MICAL2: variants seen among roughly 807,000 people sequenced by gnomAD.
MICAL2 encodes the protein [F-actin]-monooxygenase MICAL2.
MICAL2 carries 77 observed loss-of-function variants against 127.3 expected under a neutral mutation model. That is an observed-to-expected ratio of 0.60 (90% CI 0.50 to 0.73). MICAL2 has a LOEUF of 0.73. MICAL2 is among the 30% of genes least tolerant of loss of function. The pLI is 0.00. For synonymous variants in MICAL2, 570 were observed against 551.1 expected (o/e 1.03, Z -0.48); for missense variants, 1,351 against 1,434.4 (o/e 0.94, Z 0.94).
chr11:12,342,138 C>T (rs941813037), intron 32 of MICAL2, among the ~76,000 whole-genome samples: 8 of 152,184 alleles, frequency 5.3e-5, no homozygotes, highest in South Asian at 2.1e-4. Context: ...AGAGGGTGAG[C>T]GGAAGAAAGG....
chr11:12,150,582 T>TA (rs1244951843), intron 2 of MICAL2, among the ~76,000 whole-genome samples: 1 of 152,154 alleles, frequency 6.6e-6, no homozygotes. Context: ...ACACAGTGAA[T>TA]AGGCATAGAG....
At chr11:12,293,959 G>C (rs1479076306), downstream of MICAL2, 1 of 1,613,962 alleles carries the variant, frequency 6.2e-7, no homozygotes, top group Admixed American at 1.7e-5. Flanking sequence ...AGGAGAAGTT[G>C]GGCCTGAAGA....
chr11:12,265,579 T>C (rs199530135), downstream of MICAL2, among the ~76,000 whole-genome samples: 5 of 152,260 alleles, frequency 3.3e-5, no homozygotes, highest in East Asian at 9.6e-4. Context: ...ATGAACTAAA[T>C]GTAATAACAA....
chr11:12,123,637 G>A (rs776194104), intron 1 of MICAL2, among the ~76,000 whole-genome samples: 10 of 152,138 alleles, frequency 6.6e-5, no homozygotes, highest in Non-Finnish European at 1.5e-4. Context: ...GCTGCATCCC[G>A]GGAGAGATCG....
chr11:12,207,584 T>A (rs555364546), intron 4 of MICAL2: 4 of 154,998 alleles, frequency 2.6e-5, no homozygotes, highest in Admixed American at 2.5e-4. Context: ...CCCCATGTAA[T>A]GAGTCACTGA....
At chr11:12,270,421 G>T (rs1863662278) in intron 24 of MICAL2, among the ~76,000 whole-genome samples, 1 of 152,222 alleles carries the variant, frequency 6.6e-6, no homozygotes, top group South Asian at 2.1e-4. Flanking sequence ...GATCCAAGGG[G>T]AAGCCAGGGT....
At chr11:12,319,546 A>G in intron 29 of MICAL2, 1 of 595,766 alleles carries the variant, frequency 1.7e-6, no homozygotes, top group East Asian at 2.9e-5. Flanking sequence ...GCCCTTAGGT[A>G]CTGTTGCCTC....
intron 26 of MICAL2, chr11:12,261,184 C>G (rs1565277407): frequency 1.0e-6 from 1 of 985,472 alleles, no homozygotes; most frequent in East Asian, 1.1e-4. Flanking sequence ...GCGTGGCCTG[C>G]CCAGTGAGCA....
intron 2 of MICAL2, chr11:12,281,234 C>T: frequency 7.6e-6 from 3 of 396,940 alleles, no homozygotes; most frequent in Non-Finnish European, 1.3e-5. Context: ...GGGCTAGGAC[C>T]TTTGGGGAGT....
intron 6 of MICAL2, among the ~76,000 whole-genome samples, chr11:12,210,938 C>T (rs1485633258): frequency 8.5e-5 from 13 of 152,222 alleles, no homozygotes; most frequent in Non-Finnish European, 1.9e-4. Flanking sequence ...GGTGCGACAA[C>T]CAAATATGTC....
upstream of MICAL2, among the ~76,000 whole-genome samples, chr11:12,273,054 G>T (rs1440465536): frequency 6.6e-6 from 1 of 152,182 alleles, no homozygotes; most frequent in African/African-American, 2.4e-5. Flanking sequence ...AGAACTGGGG[G>T]CACTTTCCAG....
In MICAL2 at chr11:12,261,183, G is replaced by C. The variant is rs1262083633; in HGVS notation, c.3334+1286G>C. On this transcript the variant is annotated intron_variant, in intron 26 of 27. Coordinates refer to ENST00000683283, the MANE Select transcript of MICAL2 (RefSeq NM_001282663.2). ...AGGCTATTGCTGGGAAGCGTGGCCT[G>C]CCCAGTGAGCATTGCCTGTGGACAT... 11 of 985,390 alleles carry C rather than the reference G, an allele frequency of 1.1e-5. No individual in the cohort carries two copies. In the South Asian group the frequency reaches 2.8e-4, roughly 25 times the overall value. 61.0% of individuals were successfully genotyped at this position (985,390 alleles called of 1,614,324 possible).
chr11:12,311,196 T>C (rs975618024), intron 29 of MICAL2, among the ~76,000 whole-genome samples: 4 of 152,168 alleles, frequency 2.6e-5, no homozygotes, highest in African/African-American at 7.2e-5. Context: ...GCCTAACTGC[T>C]CTGGCTAGGA....
chr11:12,340,507 G>A (rs937355096), intron 32 of MICAL2, among the ~76,000 whole-genome samples: 7 of 152,160 alleles, frequency 4.6e-5, no homozygotes, highest in South Asian at 4.1e-4. Context: ...ATGTGCATAC[G>A]CTACAATTTA....
chr11:12,226,930 G>T (rs1857553974), intron 14 of MICAL2, 95 bp from the exon 15 acceptor site: 5 of 934,972 alleles, frequency 5.3e-6, no homozygotes, highest in Non-Finnish European at 5.2e-6. Flanking sequence ...TGGGATTACA[G>T]GCGTGAGCCA....
chr11:12,319,833 A>G, intron 30 of MICAL2: 1 of 1,586,356 alleles, frequency 6.3e-7, no homozygotes, highest in Non-Finnish European at 8.7e-7. Flanking sequence ...TGACCAGCCA[A>G]AGAGGGCCTT....
Position 12,241,179 on chromosome 11 carries a change from T to C in MICAL2, c.2337+17T>C. ...AAAAGGCAGGTAGGGCTCCTTCCAG[T>C]GGATGCTGTTTTGGTGAAGCCAGAG... is the stretch of plus-strand genomic sequence containing the variant. On this transcript the variant is annotated intron_variant, in intron 18 of 27. Coordinates refer to ENST00000683283, the MANE Select transcript of MICAL2 (RefSeq NM_001282663.2). 9.3e-6 allele frequency: 15 copies of C among 1,610,120 alleles called. No individual in the cohort carries two copies. The highest frequency in any genetic ancestry group is 1.2e-5 in the Non-Finnish European group (14 of 1,177,868).
At chr11:12,330,786 GGA>G (rs59477152) in intron 32 of MICAL2, among the ~76,000 whole-genome samples, 42 of 98,324 alleles carry the variant, frequency 4.3e-4, no homozygotes, top group Non-Finnish European at 5.1e-4. Context: ...TGCAGGACGT[GGA>G]GAGAGAGAGA....
At chr11:12,256,705 G>A in intron 23 of MICAL2, 80 bp from the exon 24 acceptor site, 1 of 1,344,774 alleles carries the variant, frequency 7.4e-7, no homozygotes, top group South Asian at 1.5e-5. Flanking sequence ...ATTCAGTGTG[G>A]AATTTCTAAA....
Sources: allele counts gnomAD v4.1 joint callset (sites outside exome capture counted in the v4.1 genomes callset), GRCh38; gene constraint gnomAD v4.1.1; transcripts MANE v1.5; gene names NCBI Gene and HGNC (gene_info 2026-07-23, HGNC 2026-07-21).